GAREM1: variants seen among roughly 807,000 people sequenced by gnomAD.
The protein encoded by GAREM1 is GRB2 associated regulator of MAPK1 subtype 1.
In GAREM1, 26 loss-of-function variants were observed where a neutral mutation model predicts 71.3. That is an observed-to-expected ratio of 0.36 (90% CI 0.27 to 0.51). The LOEUF is 0.51. GAREM1 is among the 20% of genes least tolerant of loss of function. GAREM1 has a pLI of 0.95. For synonymous variants in GAREM1, 440 were observed against 433.2 expected, an observed-to-expected ratio of 1.02 and a Z score of -0.20; for missense variants, 1,026 against 1,103.1, an observed-to-expected ratio of 0.93 and a Z score of 0.99.
At chr18:32,319,411 G>A (rs2047409336) in intron 2 of GAREM1, among the ~76,000 whole-genome samples, 2 of 152,190 alleles carry the variant, frequency 1.3e-5, no homozygotes, top group African/African-American at 4.8e-5. Flanking sequence ...AAATGTAAAA[G>A]TAGGATTGCC....
intron 2 of GAREM1, among the ~76,000 whole-genome samples, chr18:32,337,059 T>C (rs2047603142): frequency 6.6e-6 from 1 of 152,230 alleles, no homozygotes; most frequent in Non-Finnish European, 1.5e-5. Context: ...TCAGCTCTTC[T>C]ACCAACTGCA....
At chr18:32,405,996 C>T (rs1238505922) in intron 1 of GAREM1, among the ~76,000 whole-genome samples, 1 of 152,136 alleles carries the variant, frequency 6.6e-6, no homozygotes. Flanking sequence ...TCAACACCAG[C>T]GGTCTTCTAA....
At chr18:32,301,142 A>G (rs1028429358) in intron 3 of GAREM1, among the ~76,000 whole-genome samples, 1 of 152,158 alleles carries the variant, frequency 6.6e-6, no homozygotes, top group Non-Finnish European at 1.5e-5. Context: ...TGCATTAATC[A>G]TATTAAACTT....
At chr18:32,429,533 G>A (rs1447500999) in intron 1 of GAREM1, among the ~76,000 whole-genome samples, 1 of 152,148 alleles carries the variant, frequency 6.6e-6, no homozygotes, top group Admixed American at 6.5e-5. Context: ...AGCAGAGGCT[G>A]CATGCCATTC....
chr18:32,353,956 G>C (rs187298352), intron 2 of GAREM1, among the ~76,000 whole-genome samples: 1 of 152,286 alleles, frequency 6.6e-6, no homozygotes, highest in East Asian at 1.9e-4. Context: ...TGATTAATTA[G>C]AAATAGATGA....
chr18:32,304,525 G>C (rs1369923643), intron 3 of GAREM1, among the ~76,000 whole-genome samples: 1 of 152,150 alleles, frequency 6.6e-6, no homozygotes, highest in Non-Finnish European at 1.5e-5. Context: ...ACTTAATTGT[G>C]CTGTTGGCAT....
chr18:32,425,470 T>C (rs1390042562), intron 1 of GAREM1, among the ~76,000 whole-genome samples: 4 of 152,222 alleles, frequency 2.6e-5, no homozygotes, highest in Non-Finnish European at 4.4e-5. Context: ...AGTCTCTTAG[T>C]GGCCACAAGA....
chr18:32,286,997 A>G, intron 4 of GAREM1, 34 bp downstream of exon 4: 5 of 1,443,358 alleles, frequency 3.5e-6, no homozygotes, highest in Non-Finnish European at 4.8e-6. Context: ...AGACAGAAAG[A>G]CTGGCACCGC....
chr18:32,270,140 G>A (rs1478059039), intron 5 of GAREM1, 77 bp downstream of exon 5: 23 of 1,447,850 alleles, frequency 1.6e-5, no homozygotes, highest in Middle Eastern at 3.5e-4. Flanking sequence ...TAGGGCTACC[G>A]TGAAAATGCT....
At chr18:32,419,516 C>G (rs539105469) in intron 1 of GAREM1, among the ~76,000 whole-genome samples, 2 of 151,958 alleles carry the variant, frequency 1.3e-5, no homozygotes, top group Admixed American at 6.5e-5. Flanking sequence ...CAAGAGGGCC[C>G]TCACCAGAAC....
intron 2 of GAREM1, among the ~76,000 whole-genome samples, chr18:32,364,952 A>G (rs1567981327): frequency 6.6e-6 from 1 of 152,162 alleles, no homozygotes; most frequent in Non-Finnish European, 1.5e-5. Flanking sequence ...TCGATATATT[A>G]CTTCTAAAAC....
chr18:32,298,010 C>T (rs752706048), intron 3 of GAREM1, among the ~76,000 whole-genome samples: 8 of 152,166 alleles, frequency 5.3e-5, no homozygotes, highest in Non-Finnish European at 1.2e-4. Flanking sequence ...AAGATAATGT[C>T]CACCAGTTTT....
At chr18:32,351,110 C>T (rs1006524182) in intron 2 of GAREM1, among the ~76,000 whole-genome samples, 6 of 152,128 alleles carry the variant, frequency 3.9e-5, no homozygotes, top group African/African-American at 1.4e-4. Context: ...TATTTCCTAA[C>T]ATCAACTCTA....
At chr18:32,394,258 C>T (rs958607687) in intron 1 of GAREM1, among the ~76,000 whole-genome samples, 2 of 151,862 alleles carry the variant, frequency 1.3e-5, no homozygotes, top group East Asian at 3.9e-4. Context: ...AAAAATTTGT[C>T]GGGTGTGGTG....
intron 1 of GAREM1, among the ~76,000 whole-genome samples, chr18:32,463,635 T>A (rs2048972335): frequency 6.6e-6 from 1 of 150,648 alleles, no homozygotes; most frequent in East Asian, 2.0e-4. Context: ...AGTGATGTGA[T>A]CTCAGCTCAC....
At chr18:32,402,659 C>A (rs1053746459) in intron 1 of GAREM1, among the ~76,000 whole-genome samples, 1 of 152,106 alleles carries the variant, frequency 6.6e-6, no homozygotes, top group Non-Finnish European at 1.5e-5. Context: ...ATATATTTCT[C>A]AAGGATTCAA....
chr18:32,377,096 C>T (rs1343323447), intron 2 of GAREM1, among the ~76,000 whole-genome samples: 6 of 152,160 alleles, frequency 3.9e-5, no homozygotes, highest in African/African-American at 1.4e-4. Context: ...TATAAGACCA[C>T]ACGGCCACTA....
At chr18:32,445,657 TTAAC>T (rs2048779568) in intron 1 of GAREM1, among the ~76,000 whole-genome samples, 2 of 152,182 alleles carry the variant, frequency 1.3e-5, no homozygotes, top group African/African-American at 4.8e-5. Flanking sequence ...GACTCCCAGT[TTAAC>T]TAGTCAAAGT....
At chr18:32,322,789 T>C (rs1328124448) in intron 2 of GAREM1, among the ~76,000 whole-genome samples, 1 of 152,174 alleles carries the variant, frequency 6.6e-6, no homozygotes, top group African/African-American at 2.4e-5. Context: ...GCTCAAACGA[T>C]TTTCATTTAT....
Sources: gnomAD v4.1 joint callset for allele counts (sites outside exome capture counted in the v4.1 genomes callset) on GRCh38, gnomAD v4.1.1 for gene constraint, MANE v1.5 for transcripts, NCBI Gene and HGNC (gene_info 2026-07-23, HGNC 2026-07-21) for gene names.